Variants in SHROOM4 observed in about 807,000 individuals in gnomAD.
SHROOM4 encodes protein Shroom4.
Under a neutral mutation model 80.3 loss-of-function variants are expected in SHROOM4, and 17 were observed. That is an observed-to-expected ratio of 0.21 (90% CI 0.14 to 0.32). The LOEUF is 0.32. Ranked by LOEUF, SHROOM4 falls within the 10% of genes least tolerant of loss-of-function variation. The pLI, the probability that SHROOM4 is intolerant of heterozygous loss-of-function variation, is 1.00. For synonymous variants in SHROOM4, 400 were observed against 437.5 expected (o/e 0.91, Z 1.07); for missense variants, 993 against 1,140.3 (o/e 0.87, Z 1.86).
chrX:50,629,574 T>A (rs1930958430), intron 4 of SHROOM4, among the ~76,000 whole-genome samples: 1 of 112,047 alleles, frequency 8.9e-6, no homozygotes, highest in Admixed American at 9.5e-5. Flanking sequence ...CTAGTTACTG[T>A]CATGTTATTC....
chrX:50,792,583 T>C (rs1935875374), intron 1 of SHROOM4, among the ~76,000 whole-genome samples: 1 of 109,647 alleles, frequency 9.1e-6, no homozygotes, highest in South Asian at 3.9e-4. Flanking sequence ...AAAGGGTTAA[T>C]ATCCAAAACA....
chrX:50,757,939 T>C lies in SHROOM4; in HGVS notation c.117+55963A>G, dbSNP rs977382017. On this transcript the variant is annotated intron_variant, in intron 1 of 8. Transcript: ENST00000376020. ...TATCTTCTAATTCACAAACATGGGA[T>C]ATCTTTCTACTTATTTAAGTCTTTC... Among the ~76,000 whole-genome samples, 3 of 111,740 alleles carry C rather than the reference T, an allele frequency of 2.7e-5. No individual in the cohort carries two copies. The Admixed American group carries it at 2.9e-4, about 11-fold the overall frequency.
intron 1 of SHROOM4, among the ~76,000 whole-genome samples, chrX:50,715,456 G>A (rs782691903): frequency 1.4e-4 from 16 of 111,841 alleles, no homozygotes; most frequent in African/African-American, 4.5e-4. Context: ...TTACACAGTA[G>A]GTGTTATGTC....
intron 1 of SHROOM4, among the ~76,000 whole-genome samples, chrX:50,740,842 C>T (rs1276695063): frequency 1.8e-5 from 2 of 112,156 alleles, no homozygotes; most frequent in Non-Finnish European, 3.8e-5. Flanking sequence ...CTTCTATTGT[C>T]TGCTCTTTTG....
intron 1 of SHROOM4, among the ~76,000 whole-genome samples, chrX:50,799,755 A>C (rs1557272407): frequency 8.9e-6 from 1 of 112,064 alleles, no homozygotes; most frequent in East Asian, 2.8e-4. Context: ...TCTCAGCTAA[A>C]GCAGTGAAAC....
Position 50,714,842 on chromosome X carries a change from A to T in SHROOM4, c.118-18905T>A, listed in dbSNP as rs1933909130. Among the ~76,000 whole-genome samples the T allele has an allele frequency of 2.7e-5, 3 of 111,651 alleles. No homozygotes were observed. In the Admixed American group the frequency reaches 2.9e-4, roughly 11 times the overall value. On this transcript the variant is annotated intron_variant, in intron 1 of 8. Coordinates refer to ENST00000376020, the MANE Select transcript of SHROOM4 (RefSeq NM_020717.5). Reference sequence around the variant, plus strand: ...CAATTCCCAGAGGATATGCTACAGAAGATCATGAAGCTTCAGAGAATACTG... The same window carrying T: ...CAATTCCCAGAGGATATGCTACAGATGATCATGAAGCTTCAGAGAATACTG...
rs1222905331 is a variant in SHROOM4 at position 50,671,481 on chromosome X, T to G, written c.269+24305A>C. Among the ~76,000 whole-genome samples the G allele has an allele frequency of 4.4e-5, 5 of 112,448 alleles. No homozygotes were observed. In the East Asian group the frequency reaches 1.4e-3, roughly 31 times the overall value. On this transcript the variant is annotated intron_variant, in intron 2 of 8. Coordinates refer to ENST00000376020, the MANE Select transcript of SHROOM4 (RefSeq NM_020717.5). ...CGTCAATGATCTTAGCTAGATCTTC[T>G]GGATAATTTGCTGCAGCTTCTACAT...
chrX:50,608,200 T>A lies in SHROOM4; in HGVS notation c.2958-16A>T. 8.3e-7 allele frequency: 1 copy of A among 1,208,615 alleles called. No homozygotes were observed. The highest frequency in any genetic ancestry group is 1.1e-6 in the Non-Finnish European group (1 of 893,043). On this transcript the variant is annotated splice_polypyrimidine_tract_variant and intron_variant, in intron 5 of 8. Transcript: ENST00000376020. ...AGCCATTTCCCTGCAAAACATCAGA[T>A]GAGTACTGAGAAAAACAAGCAAGTT...
At chrX:50,746,920 C>T (rs1469465787) in intron 1 of SHROOM4, among the ~76,000 whole-genome samples, 1 of 112,081 alleles carries the variant, frequency 8.9e-6, no homozygotes, top group East Asian at 2.8e-4. Flanking sequence ...TAGAACTGAT[C>T]CTAAGAGCAA....
intron 2 of SHROOM4, among the ~76,000 whole-genome samples, chrX:50,657,158 G>A (rs1932341545): frequency 9.0e-6 from 1 of 111,431 alleles, no homozygotes; most frequent in South Asian, 3.7e-4. Flanking sequence ...CCTTTTGGTG[G>A]ACTTCTAGGG....
Position 50,635,683 on chromosome X carries a change from G to T in SHROOM4, c.405-15C>A. 8.3e-7 allele frequency: 1 copy of T among 1,202,143 alleles called. No individual in the cohort carries two copies. Among genetic ancestry groups the T allele is most frequent in the Non-Finnish European group, 1.1e-6 (1 of 889,753 alleles). ...CACACACGTCACTGTAAGACACAGG[G>T]CATACTGGTTAGTTAGCGAAGTCAT... is the stretch of plus-strand genomic sequence containing the variant. On this transcript the variant is annotated splice_polypyrimidine_tract_variant and intron_variant, in intron 3 of 8. Coordinates refer to ENST00000376020, the MANE Select transcript of SHROOM4 (RefSeq NM_020717.5).
Position 50,668,452 on chromosome X carries a change from T to C in SHROOM4, c.269+27334A>G, listed in dbSNP as rs936547802. ...ACTTTCTACCTCCACATGGCAGTAA[T>C]ATGGCAGCAACCCCCATCACTTGCC... On this transcript the variant is annotated intron_variant, in intron 2 of 8. Transcript: ENST00000376020. Among the ~76,000 whole-genome samples, 3 of 111,716 alleles carry C rather than the reference T, an allele frequency of 2.7e-5. No homozygotes were observed. The Admixed American group carries it at 2.8e-4, about 11-fold the overall frequency.
In SHROOM4 at chrX:50,633,163, G is replaced by T; in HGVS notation, c.2895+15C>A. 9.1e-6 allele frequency: 11 copies of T among 1,205,241 alleles called. No homozygotes were observed. The highest frequency in any genetic ancestry group is 2.3e-4 in the Middle Eastern group (1 of 4,335). Reference sequence around the variant, plus strand: ...ACAATAATGAAGGTTACCCACCCAAGAACCAAGTCCTCACCTGCACTGTCA... The same window carrying T: ...ACAATAATGAAGGTTACCCACCCAATAACCAAGTCCTCACCTGCACTGTCA... On this transcript the variant is annotated intron_variant, in intron 4 of 8. Coordinates refer to ENST00000376020, the MANE Select transcript of SHROOM4 (RefSeq NM_020717.5).
chrX:50,793,463 G>C (rs1381582203), intron 1 of SHROOM4, among the ~76,000 whole-genome samples: 1 of 109,261 alleles, frequency 9.2e-6, no homozygotes, highest in African/African-American at 3.3e-5. Flanking sequence ...TAAAAAGTAA[G>C]TTAGATGAAT....
intron 1 of SHROOM4, among the ~76,000 whole-genome samples, chrX:50,766,458 T>C (rs1475830772): frequency 9.0e-6 from 1 of 111,183 alleles, no homozygotes; most frequent in African/African-American, 3.3e-5. Flanking sequence ...ATAGGAGACA[T>C]AGGAGGAGTT....
chrX:50,797,255 A>G (rs1557272199), intron 1 of SHROOM4, among the ~76,000 whole-genome samples: 1 of 111,463 alleles, frequency 9.0e-6, no homozygotes, highest in African/African-American at 3.3e-5. Context: ...GAGAAGGTCG[A>G]GTCTGAATGG....
chrX:50,756,668 TAATA>T (rs1362584520), intron 1 of SHROOM4, among the ~76,000 whole-genome samples: 2 of 112,373 alleles, frequency 1.8e-5, no homozygotes, highest in Non-Finnish European at 3.8e-5. Flanking sequence ...TATTTTTGTC[TAATA>T]GATAGCCATT....
chrX:50,618,398 T>C (rs1602372557), intron 5 of SHROOM4, among the ~76,000 whole-genome samples: 1 of 75,093 alleles, frequency 1.3e-5, no homozygotes, highest in Non-Finnish European at 2.5e-5. Context: ...CTTCCTTCCT[T>C]CCTTCCTTCC....
At chrX:50,645,635 G>C (rs7058894) in intron 2 of SHROOM4, among the ~76,000 whole-genome samples, 42,070 of 110,845 alleles carry the variant, frequency 0.38, 5,961 homozygotes, top group African/African-American at 0.46. Context: ...GAGGGAAGAT[G>C]AGAGAGAAAC....
Sources: gnomAD v4.1 joint callset for allele counts (sites outside exome capture counted in the v4.1 genomes callset) on GRCh38, gnomAD v4.1.1 for gene constraint, MANE v1.5 for transcripts, NCBI Gene and HGNC (gene_info 2026-07-23, HGNC 2026-07-21) for gene names.